MMADHC: variants seen among roughly 807,000 people sequenced by gnomAD.
MMADHC encodes metabolism of cobalamin associated D, also known as cobalamin trafficking protein CblD.
A neutral mutation model predicts 36.3 loss-of-function variants in MMADHC; 23 were observed. The observed-to-expected ratio is 0.63, with a 90% CI of 0.46 to 0.90. The LOEUF (loss-of-function observed/expected upper bound fraction) is 0.90. MMADHC is among the 40% of genes least tolerant of loss of function. The pLI is 0.00. For missense variants in MMADHC, 330 were observed against 348.0 expected (o/e 0.95, Z 0.41); for synonymous variants, 97 against 116.1 (o/e 0.84, Z 1.06).
intron 6 of MMADHC, among the ~76,000 whole-genome samples, chr2:149,571,937 A>T (rs1322558752): frequency 6.6e-6 from 1 of 152,192 alleles, no homozygotes; most frequent in Non-Finnish European, 1.5e-5. Flanking sequence ...ATAGTCATGA[A>T]ATAATTCTGA....
Position 149,576,585 on chromosome 2 carries a change from A to G in MMADHC, c.373-43T>C, listed in dbSNP as rs755824765. The G allele has an allele frequency of 1.1e-5, 15 of 1,306,864 alleles. No homozygotes were observed. In the South Asian group the frequency reaches 1.4e-4, roughly 12 times the overall value. 81.0% of individuals were successfully genotyped at this position (1,306,864 alleles called of 1,614,324 possible). A position where few individuals can be genotyped will look rare whatever the true frequency, so the allele number is the denominator to read the frequency against. On this transcript the variant is annotated intron_variant, in intron 4 of 7. Coordinates refer to ENST00000303319, the MANE Select transcript of MMADHC (RefSeq NM_015702.3). ...ATAAGTCAACAAAATCTGGAGTTCA[A>G]ATAAAACGGTATCTTGCCTGTTATA... is the stretch of plus-strand genomic sequence containing the variant.
intron 2 of MMADHC, among the ~76,000 whole-genome samples, chr2:149,586,533 C>T (rs1682870474): frequency 6.6e-6 from 1 of 151,998 alleles, no homozygotes; most frequent in African/African-American, 2.4e-5. Context: ...CGTGTAGGTT[C>T]TAAAAAAAAT....
At chr2:149,586,105 C>G (rs74382492) in intron 2 of MMADHC, among the ~76,000 whole-genome samples, 1 of 152,164 alleles carries the variant, frequency 6.6e-6, no homozygotes, top group African/African-American at 2.4e-5. Context: ...TATAGTCACA[C>G]TTTAGACTTA....
chr2:149,573,265 C>CA (rs57800865), intron 6 of MMADHC, among the ~76,000 whole-genome samples: 60 of 151,906 alleles, frequency 3.9e-4, no homozygotes, highest in African/African-American at 9.9e-4. Context: ...AACAAACAAA[C>CA]AACAAAAAAC....
chr2:149,575,539 T>C (rs1558846387), intron 6 of MMADHC, among the ~76,000 whole-genome samples, 172 bp downstream of exon 6: 1 of 152,246 alleles, frequency 6.6e-6, no homozygotes, highest in Non-Finnish European at 1.5e-5. Flanking sequence ...CTTTTAAGGA[T>C]ACTAAAAAGC....
chr2:149,574,492 C>T (rs563422130), intron 6 of MMADHC, among the ~76,000 whole-genome samples: 4 of 152,244 alleles, frequency 2.6e-5, no homozygotes, highest in Admixed American at 1.3e-4. Flanking sequence ...TCCTAACATC[C>T]TACACAGGAA....
chr2:149,570,240 A>AAC, intron 7 of MMADHC, 72 bp from the exon 8 acceptor site: 1 of 1,234,494 alleles, frequency 8.1e-7, no homozygotes, highest in South Asian at 1.3e-5. Flanking sequence ...GGTAAACATG[A>AAC]ACACCTATCT....
intron 7 of MMADHC, among the ~76,000 whole-genome samples, 169 bp downstream of exon 7, chr2:149,570,916 T>C (rs570776955): frequency 5.9e-5 from 9 of 152,224 alleles, no homozygotes; most frequent in Admixed American, 3.3e-4. Flanking sequence ...CTGTGAGTGA[T>C]AGAGGTCTCT....
Position 149,576,473 on chromosome 2 carries a change from A to C in MMADHC, c.442T>G (p.Cys148Gly). The C allele has an allele frequency of 1.2e-6, 2 of 1,613,540 alleles. No homozygotes were observed. The highest frequency in any genetic ancestry group is 1.7e-6 in the Non-Finnish European group (2 of 1,179,566). Residue 148 changes from cysteine to glycine, a missense_variant, in exon 5 of 8, where the codon TGT becomes GGT. Coordinates refer to ENST00000303319, the MANE Select transcript of MMADHC (RefSeq NM_015702.3). Reference sequence around the variant, plus strand: ...AATTCTGGACATGTCTGTATTGCACACTCTACTCTGGCACTTTCAAAGTAA... The same window carrying C: ...AATTCTGGACATGTCTGTATTGCACCCTCTACTCTGGCACTTTCAAAGTAA... ...ETYFESARVE[C>G]AIQTCPELLR...
chr2:149,572,346 A>AAAAAAAAAAAAC, intron 6 of MMADHC: 1 of 320,146 alleles, frequency 3.1e-6, no homozygotes, highest in Non-Finnish European at 6.1e-6. Context: ...AAAAAAAAAA[A>AAAAAAAAAAAAC]ATCAAGGGCA....
chr2:149,576,422 T>C lies in MMADHC; in HGVS notation c.478+15A>G. The C allele has an allele frequency of 6.5e-7, 1 of 1,543,444 alleles. No homozygotes were observed. Among genetic ancestry groups the C allele is most frequent in the Non-Finnish European group, 9.0e-7 (1 of 1,115,510 alleles). ...AAATTAGTAACAGTGTTTCAAAGTA[T>C]AAAGCATGACATACCTTTTCGCAGC... On this transcript the variant is annotated intron_variant, in intron 5 of 7. Transcript: ENST00000303319.
chr2:149,573,502 T>C (rs1202598527), intron 6 of MMADHC, among the ~76,000 whole-genome samples: 2 of 152,248 alleles, frequency 1.3e-5, no homozygotes, highest in Non-Finnish European at 2.9e-5. Context: ...CGTTGCTTAA[T>C]TCTAGAATTT....
At chr2:149,574,821 T>C (rs555421155) in intron 6 of MMADHC, among the ~76,000 whole-genome samples, 20 of 152,194 alleles carry the variant, frequency 1.3e-4, no homozygotes, top group Non-Finnish European at 2.5e-4. Flanking sequence ...TTATAAGAGA[T>C]GGTAGGTATC....
intron 2 of MMADHC, among the ~76,000 whole-genome samples, chr2:149,584,805 T>G (rs1682842652): frequency 6.6e-6 from 1 of 152,082 alleles, no homozygotes; most frequent in South Asian, 2.1e-4. Flanking sequence ...TCCCAGCACT[T>G]AGGGAGGCGA....
At chr2:149,578,630 T>G (rs182943056) in intron 4 of MMADHC, among the ~76,000 whole-genome samples, 1 of 152,146 alleles carries the variant, frequency 6.6e-6, no homozygotes, top group Admixed American at 6.5e-5. Context: ...GAAATGTAAT[T>G]TAGTTGGTAG....
intron 2 of MMADHC, chr2:149,586,877 T>C (rs1238171908): frequency 3.4e-6 from 2 of 591,050 alleles, no homozygotes; most frequent in Non-Finnish European, 6.0e-6. Context: ...TCTGTACAAA[T>C]GAAATTGTAT....
chr2:149,571,126 C>T lies in MMADHC; in HGVS notation c.655G>A (p.Gly219Ser), dbSNP rs538303865. Residue 219 changes from glycine to serine, a missense_variant, in exon 7 of 8, where the codon GGT becomes AGT. Physicochemically the swap from Gly to Ser is moderately conservative, Grantham distance 56. Transcript: ENST00000303319. ...GGGTCAATAAAGTCAGCCCAATAAC[C>T]CTCAGCTCGAAGAGCATAGCAAATT... is the stretch of plus-strand genomic sequence containing the variant. ...KEICYALRAEGYWADFIDPSS... is the reference protein window; with the variant it reads ...KEICYALRAESYWADFIDPSS... 1.2e-6 allele frequency: 2 copies of T among 1,612,572 alleles called. No homozygotes were observed. Among genetic ancestry groups the T allele is most frequent in the East Asian group, 4.5e-5 (2 of 44,746 alleles).
chr2:149,570,244 CCTAT>C lies in MMADHC; in HGVS notation c.697-80_697-77del, dbSNP rs971769394. On this transcript the variant is annotated intron_variant, in intron 7 of 7. Coordinates refer to ENST00000303319, the MANE Select transcript of MMADHC (RefSeq NM_015702.3). Reference sequence around the variant, plus strand: ...AATAATTTTTAGGTAAACATGAACACCTATCTACTTTAATACTCCAAATATTTAA... The same window carrying C: ...AATAATTTTTAGGTAAACATGAACACCTACTTTAATACTCCAAATATTTAA... 3.7e-5 allele frequency: 44 copies of C among 1,203,600 alleles called. No homozygotes were observed. In the Admixed American group the frequency reaches 5.5e-4, roughly 15 times the overall value. 74.6% of individuals were successfully genotyped at this position (1,203,600 alleles called of 1,614,324 possible).
At chr2:149,570,228 T>C (rs372283408) in intron 7 of MMADHC, 60 bp from the exon 8 acceptor site, 1 of 1,385,720 alleles carries the variant, frequency 7.2e-7, no homozygotes. Flanking sequence ...TAATAATTTT[T>C]AGGTAAACAT....
Sources: allele counts gnomAD v4.1 joint callset (sites outside exome capture counted in the v4.1 genomes callset), GRCh38; gene constraint gnomAD v4.1.1; transcripts MANE v1.5; gene names NCBI Gene and HGNC (gene_info 2026-07-23, HGNC 2026-07-21).